MOGAT3: variants seen among roughly 807,000 people sequenced by gnomAD.
The protein encoded by MOGAT3 is 2-acylglycerol O-acyltransferase 3.
A neutral mutation model predicts 34.4 loss-of-function variants in MOGAT3; 39 were observed. The observed-to-expected ratio is 1.13, with a 90% CI of 0.88 to 1.48. MOGAT3 has a LOEUF of 1.48. Among genes scored for constraint, MOGAT3 ranks in the 40% most tolerant of loss-of-function variants. MOGAT3 has a pLI of 0.00. For missense variants in MOGAT3, 439 were observed against 438.9 expected, an observed-to-expected ratio of 1.00 and a Z score of 0.00; for synonymous variants, 209 against 179.2, an observed-to-expected ratio of 1.17 and a Z score of -1.33.
Position 101,196,236 on chromosome 7 carries a change from T to C in MOGAT3, c.822A>G (p.Ser274=), listed in dbSNP as rs1797781378. ...AGGGCAGCAGGCCCCAGGAGGTGGC[T>C]GAGAAGAGACCGCGACCCCAGAAGA... is the stretch of plus-strand genomic sequence containing the variant. The part of the protein sequence containing the change: ...PCIFWGRGLF[S]ATSWGLLPFA... Residue 274 remains serine (S), a synonymous_variant, in exon 6 of 7, where the codon TCA becomes TCG. Coordinates refer to ENST00000223114, the MANE Select transcript of MOGAT3 (RefSeq NM_178176.4). The C allele has an allele frequency of 1.3e-6, 2 of 1,596,690 alleles. No individual in the cohort carries two copies. Among genetic ancestry groups the C allele is most frequent in the Admixed American group, 1.8e-5 (1 of 56,418 alleles).
At chr7:101,193,477 T>G (rs1303587052), downstream of MOGAT3, among the ~76,000 whole-genome samples, 1 of 152,208 alleles carries the variant, frequency 6.6e-6, no homozygotes, top group Non-Finnish European at 1.5e-5. Flanking sequence ...TCGCCCAGGC[T>G]GGAGTGCAGC....
rs867572377 is a variant in MOGAT3, at chr7:101,198,647, G to A, written c.472C>T (p.Arg158Cys). ...LAGLFYLPVY[R>C]DYIMSFGLCP... ...TCACCAAAGGACATGATGTAGTCGCGATAGACCGGGAGGTAGAAGAGGCCA... is the reference window on the plus strand; with the variant it reads ...TCACCAAAGGACATGATGTAGTCGCAATAGACCGGGAGGTAGAAGAGGCCA... The change falls in exon 4 of 7, where the codon CGC becomes TGC. Residue 158 changes from arginine (R) to cysteine (C), a missense_variant. By Grantham distance (180) the Arg-to-Cys change is radical. Transcript: ENST00000223114. 1.9e-6 allele frequency: 3 copies of A among 1,613,304 alleles called. No homozygotes were observed. The highest frequency in any genetic ancestry group is 2.7e-5 in the African/African-American group (2 of 74,964).
Position 101,200,755 on chromosome 7 carries a change from G to A in MOGAT3, c.100C>T (p.Leu34Phe). ...CCTCCCCAGCTCTCACCCATGAAGA[G>A]GAAAGTGAGCACATATTGGTAGGCG... Reference protein sequence around the residue: ...VGAYQYVLTFLFMGPFFSLLV... With the variant: ...VGAYQYVLTFFFMGPFFSLLV... Residue 34 changes from leucine (L) to phenylalanine (F), a missense_variant, in exon 1 of 7, where the codon CTC becomes TTC. Leu to Phe is a conservative substitution (Grantham distance 22, BLOSUM62 0). Coordinates refer to ENST00000223114, the MANE Select transcript of MOGAT3 (RefSeq NM_178176.4). The A allele has an allele frequency of 6.2e-7, 1 of 1,613,844 alleles. No homozygotes were observed. The highest frequency in any genetic ancestry group is 8.5e-7 in the Non-Finnish European group (1 of 1,179,826).
At position 101,198,599 on chromosome 7, in the gene MOGAT3, C is replaced by T. The variant is rs889488494; in HGVS notation, c.493+27G>A. On this transcript the variant is annotated intron_variant, in intron 4 of 6. Coordinates refer to ENST00000223114, the MANE Select transcript of MOGAT3 (RefSeq NM_178176.4). ...GGAACATCTGGTCAGGAGTCTCCTC[C>T]CGTTCTCCTCCTCCCATTCGGCTCA... 5.0e-6 allele frequency: 8 copies of T among 1,601,668 alleles called. No individual in the cohort carries two copies. In the Admixed American group the frequency reaches 8.4e-5, roughly 17 times the overall value.
In MOGAT3 at chr7:101,195,919, G is replaced by A; in HGVS notation, c.*27C>T. 6.2e-7 allele frequency: 1 copy of A among 1,613,290 alleles called. No homozygotes were observed. Among genetic ancestry groups the A allele is most frequent in the South Asian group, 1.1e-5 (1 of 91,038 alleles). ...GGAGGTCTCAGTGCCTTGGGCTCAG[G>A]GGCTCAGCGAAAGGCCGCGGCCAGG... On this transcript the variant is annotated 3_prime_UTR_variant, in exon 7 of 7. Coordinates refer to ENST00000223114, the MANE Select transcript of MOGAT3 (RefSeq NM_178176.4).
chr7:101,196,502 C>G, intron 5 of MOGAT3, 113 bp from the exon 6 acceptor site: 1 of 657,232 alleles, frequency 1.5e-6, no homozygotes, highest in South Asian at 2.0e-5. Flanking sequence ...CTCCCAGGGT[C>G]ATTCAAAGCA....
downstream of MOGAT3, among the ~76,000 whole-genome samples, chr7:101,193,023 A>T (rs1371820438): frequency 1.3e-5 from 2 of 152,174 alleles, no homozygotes; most frequent in African/African-American, 4.8e-5. Flanking sequence ...GCTTGCAGTC[A>T]GCGGAGATCG....
At chr7:101,193,937 A>G (rs1370112889), downstream of MOGAT3, among the ~76,000 whole-genome samples, 1 of 152,182 alleles carries the variant, frequency 6.6e-6, no homozygotes. Context: ...GGATACACAA[A>G]GCCAGCCAGC....
Position 101,200,451 on chromosome 7 carries a change from A to G in MOGAT3, c.174T>C (p.Phe58=). 1 of 1,611,196 alleles carries G rather than the reference A, an allele frequency of 6.2e-7. No individual in the cohort carries two copies. The highest frequency in any genetic ancestry group is 8.5e-7 in the Non-Finnish European group (1 of 1,178,586). Residue 58 remains phenylalanine, a synonymous_variant, in exon 2 of 7, where the codon TTT becomes TTC. Coordinates refer to ENST00000223114, the MANE Select transcript of MOGAT3 (RefSeq NM_178176.4). The stretch of plus-strand genomic sequence containing the variant: ...AGTCCACATAGAGCCACACCAAGTA[A>G]AAAACAGAGAAGGGCCAGAGTGACG... ...LFTSLWPFSV[F]YLVWLYVDWD...
chr7:101,198,787 A>G lies in MOGAT3; in HGVS notation c.332T>C (p.Leu111Pro). 1 of 1,614,066 alleles carries G rather than the reference A, an allele frequency of 6.2e-7. No individual in the cohort carries two copies. The highest frequency in any genetic ancestry group is 8.5e-7 in the Non-Finnish European group (1 of 1,180,002). Residue 111 changes from leucine to proline, a missense_variant, in exon 4 of 7, where the codon CTG becomes CCG. By Grantham distance (98) the Leu-to-Pro change is moderately conservative. Transcript: ENST00000223114. ...CATGATCCCATGAGGGTGGGCGCCC[A>G]GCACGTAGTTCCGATCCGGGGGCAG... The part of the protein sequence containing the change: ...AELPPDRNYV[L>P]GAHPHGIMCT...
chr7:101,196,980 T>C (rs1797808153), intron 5 of MOGAT3, among the ~76,000 whole-genome samples: 1 of 151,944 alleles, frequency 6.6e-6, no homozygotes, highest in Non-Finnish European at 1.5e-5. Flanking sequence ...CTGACCAATA[T>C]GGTGAAACCC....
At position 101,200,292 on chromosome 7, in the gene MOGAT3, G is replaced by A. The variant is rs775889618; in HGVS notation, c.230C>T (p.Ser77Leu). ...WDTPNQGGRRSEWIRNRAIWR... is the reference protein window; with the variant it reads ...WDTPNQGGRRLEWIRNRAIWR... Reference sequence around the variant, plus strand: ...AATTGCCCGGTTCCTTATCCACTCCGAACGCCTTCCACCTGCGGACAATGA... The same window carrying A: ...AATTGCCCGGTTCCTTATCCACTCCAAACGCCTTCCACCTGCGGACAATGA... Residue 77 changes from serine (S) to leucine (L), a missense_variant, in exon 3 of 7, where the codon TCG (serine) becomes TTG (leucine). Transcript: ENST00000223114. 7 of 1,613,810 alleles carry A rather than the reference G, an allele frequency of 4.3e-6. No homozygotes were observed. The highest frequency in any genetic ancestry group is 2.2e-5 in the East Asian group (1 of 44,862).
downstream of MOGAT3, among the ~76,000 whole-genome samples, chr7:101,193,516 G>A (rs1797720297): frequency 6.6e-6 from 1 of 151,646 alleles, no homozygotes; most frequent in African/African-American, 2.4e-5. Context: ...TGCAACCTCC[G>A]CCTCCGGGTT....
rs190484631 is a variant in MOGAT3 at position 101,195,746 on chromosome 7, T to C, written c.*200A>G. The C allele has an allele frequency of 8.7e-5, 51 of 588,748 alleles. No homozygotes were observed. The highest frequency in any genetic ancestry group is 1.4e-4 in the Non-Finnish European group (46 of 334,020). 36.5% of individuals were successfully genotyped at this position (588,748 alleles called of 1,614,324 possible). A position where few individuals can be genotyped will look rare whatever the true frequency, so the allele number is the denominator to read the frequency against. ...TTTTTTAATTTTTGTAGAAATGAAG[T>C]CTCACTGTGTTGCCCAGGCTGGTCT... On this transcript the variant is annotated 3_prime_UTR_variant, in exon 7 of 7. Coordinates refer to ENST00000223114, the MANE Select transcript of MOGAT3 (RefSeq NM_178176.4).
downstream of MOGAT3, among the ~76,000 whole-genome samples, chr7:101,194,821 A>G (rs577454029): frequency 1.3e-5 from 2 of 151,904 alleles, no homozygotes; most frequent in Admixed American, 6.6e-5. Flanking sequence ...TCTTAACTCT[A>G]TTTTTCCTTC....
In MOGAT3 at chr7:101,196,305, C is replaced by T. The variant is rs1797784273; in HGVS notation, c.753G>A (p.Trp251Ter). ...TGAGCTTCTTGAAGGTGAGCTGGCA[C>T]CAATGCTGCCAGGAGCCTGTGGCAA... ...KAFATGSWQH[W>*]CQLTFKKLMG... The change falls in exon 6 of 7, where the codon TGG (tryptophan) becomes TGA (stop). Residue 251 changes from tryptophan to a stop codon, truncating the protein, a stop_gained. Coordinates refer to ENST00000223114, the MANE Select transcript of MOGAT3 (RefSeq NM_178176.4). LOFTEE classifies it high-confidence loss of function. The T allele has an allele frequency of 6.2e-7, 1 of 1,613,894 alleles. No homozygotes were observed. Among genetic ancestry groups the T allele is most frequent in the Non-Finnish European group, 8.5e-7 (1 of 1,179,902 alleles).
At position 101,200,249 on chromosome 7, in the gene MOGAT3, A is replaced by C; in HGVS notation, c.273T>G (p.Asp91Glu). 1 of 1,613,968 alleles carries C rather than the reference A, an allele frequency of 6.2e-7. No homozygotes were observed. Among genetic ancestry groups the C allele is most frequent in the Non-Finnish European group, 8.5e-7 (1 of 1,179,942 alleles). The change falls in exon 3 of 7, where the codon GAT (aspartate) becomes GAG (glutamate). Residue 91 changes from aspartate to glutamate, a missense_variant. Transcript: ENST00000223114. ...RNRAIWRQLRDYYPVKLVKTA... is the reference protein window; with the variant it reads ...RNRAIWRQLREYYPVKLVKTA... ...GACCCATCACCTTGACAGGATAATA[A>C]TCCCTTAGTTGTCTCCAAATTGCCC... is the stretch of plus-strand genomic sequence containing the variant.
chr7:101,194,691 C>T (rs1468163201), downstream of MOGAT3, among the ~76,000 whole-genome samples: 2 of 151,024 alleles, frequency 1.3e-5, no homozygotes, highest in Non-Finnish European at 2.9e-5. Context: ...TTAGTAGAGA[C>T]GGGGTTTCAC....
Position 101,200,298 on chromosome 7 carries a change from C to G in MOGAT3, c.224G>C (p.Arg75Thr), listed in dbSNP as rs762084289. 1 of 1,614,074 alleles carries G rather than the reference C, an allele frequency of 6.2e-7. No individual in the cohort carries two copies. The highest frequency in any genetic ancestry group is 2.2e-5 in the East Asian group (1 of 44,852). The part of the protein sequence containing the change: ...VDWDTPNQGG[R>T]RSEWIRNRAI... ...CCGGTTCCTTATCCACTCCGAACGC[C>G]TTCCACCTGCGGACAATGAGATACT... Residue 75 changes from arginine to threonine, a missense_variant, in exon 3 of 7, where the codon AGG (arginine) becomes ACG (threonine). Coordinates refer to ENST00000223114, the MANE Select transcript of MOGAT3 (RefSeq NM_178176.4).
Sources: gnomAD v4.1 joint callset for allele counts (sites outside exome capture counted in the v4.1 genomes callset) on GRCh38, gnomAD v4.1.1 for gene constraint, MANE v1.5 for transcripts, NCBI Gene and HGNC (gene_info 2026-07-23, HGNC 2026-07-21) for gene names.